Variants in ING5 observed in about 807,000 individuals in gnomAD.
ING5 encodes the protein inhibitor of growth family member 5.
In ING5, 17 loss-of-function variants were observed where a neutral mutation model predicts 37.4. That is an observed-to-expected ratio of 0.45 (90% confidence interval 0.31 to 0.68). ING5 has a LOEUF of 0.68. Ranked by LOEUF, ING5 falls within the 30% of genes least tolerant of loss-of-function variation. The pLI is 0.05. For missense variants in ING5, 233 were observed against 311.9 expected (o/e 0.75, Z 1.91); for synonymous variants, 123 against 116.6 (o/e 1.06, Z -0.36).
At chr2:241,702,321 C>G (rs1312751600) in intron 1 of ING5, among the ~76,000 whole-genome samples, 2 of 150,216 alleles carry the variant, frequency 1.3e-5, no homozygotes, top group Non-Finnish European at 3.0e-5. Context: ...TGGGTCGCGC[C>G]AATTCCAGGT....
At chr2:241,696,621 A>G (rs1469350673) in intron 2 of ING5, among the ~76,000 whole-genome samples, 1 of 152,008 alleles carries the variant, frequency 6.6e-6, no homozygotes, top group African/African-American at 2.4e-5. Flanking sequence ...CCAACTCTAC[A>G]GAAAAAAAAT....
intron 5 of ING5, chr2:241,720,829 G>T (rs1159511673): frequency 5.1e-6 from 5 of 985,646 alleles, no homozygotes; most frequent in African/African-American, 1.7e-5. Context: ...CCTCCTGGTT[G>T]CCTCCCTCAG....
intron 3 of ING5, 123 bp from the exon 4 acceptor site, chr2:241,711,254 T>G: frequency 1.8e-6 from 1 of 555,714 alleles, no homozygotes; most frequent in South Asian, 4.2e-5. Flanking sequence ...TTAGCAGAGG[T>G]TTGTTCATTG....
chr2:241,691,915 G>A (rs2069562637), intron 2 of ING5, among the ~76,000 whole-genome samples: 1 of 152,114 alleles, frequency 6.6e-6, no homozygotes, highest in Non-Finnish European at 1.5e-5. Flanking sequence ...ATAAATAGGT[G>A]GGCGTGCCTA....
intron 2 of ING5, among the ~76,000 whole-genome samples, chr2:241,695,910 C>T (rs2069622919): frequency 6.6e-6 from 1 of 152,064 alleles, no homozygotes; most frequent in African/African-American, 2.4e-5. Context: ...TAAAGCAGGG[C>T]CAGATGCTCA....
chr2:241,699,895 G>A (rs6437281), upstream of ING5, among the ~76,000 whole-genome samples: 50,388 of 152,128 alleles, frequency 0.33, 9,202 homozygotes, highest in Middle Eastern at 0.41. Flanking sequence ...GGAGTGACAT[G>A]GGTACTGGTG....
chr2:241,702,626 C>T (rs2069778937), intron 1 of ING5, among the ~76,000 whole-genome samples: 1 of 152,166 alleles, frequency 6.6e-6, no homozygotes, highest in South Asian at 2.1e-4. Flanking sequence ...CGGGGCGTCT[C>T]TCCCCGGCAC....
chr2:241,691,310 A>G (rs1175260917), intron 2 of ING5, among the ~76,000 whole-genome samples: 1 of 151,960 alleles, frequency 6.6e-6, no homozygotes, highest in Non-Finnish European at 1.5e-5. Flanking sequence ...GTGGTGGCAC[A>G]TGCCTGTAAT....
At chr2:241,717,037 A>G (rs200624394) in intron 5 of ING5, among the ~76,000 whole-genome samples, 2 of 152,016 alleles carry the variant, frequency 1.3e-5, no homozygotes, top group East Asian at 3.9e-4. Flanking sequence ...GTCACCCCAT[A>G]TATAGTTACC....
Position 241,714,787 on chromosome 2 carries a change from G to A in ING5, c.482+2716G>A, listed in dbSNP as rs563437293. On this transcript the variant is annotated intron_variant, in intron 5 of 7. Transcript: ENST00000313552. ...CCTGGCTAATTTTTTGTAGAGACAGGGTTTCATCATGTTGCCCAGGCTGGT... is the reference window on the plus strand; with the variant it reads ...CCTGGCTAATTTTTTGTAGAGACAGAGTTTCATCATGTTGCCCAGGCTGGT... Among the ~76,000 whole-genome samples the A allele has an allele frequency of 5.2e-3, 790 of 151,966 alleles. 3 individuals carry two copies. Among genetic ancestry groups the A allele is most frequent in the African/African-American group, 0.018 (744 of 41,462 alleles).
chr2:241,722,524 TC>T, intron 5 of ING5: 2 of 985,452 alleles, frequency 2.0e-6, no homozygotes, highest in Non-Finnish European at 2.4e-6. Flanking sequence ...CTGCTGCTGT[TC>T]CTGGATTTTT....
exon 2 of ING5, chr2:241,690,569 A>T: frequency 2.5e-6 from 1 of 398,530 alleles, no homozygotes; most frequent in Non-Finnish European, 4.4e-6. Context: ...ACTGCCACTG[A>T]CAGCCTCAGG....
chr2:241,711,261 A>G (rs2070104308), intron 3 of ING5, 116 bp from the exon 4 acceptor site: 1 of 618,992 alleles, frequency 1.6e-6, no homozygotes, highest in African/African-American at 1.9e-5. Context: ...AGGTTTGTTC[A>G]TTGGAGACTC....
At chr2:241,719,938 G>A in intron 5 of ING5, 1 of 1,291,076 alleles carries the variant, frequency 7.7e-7, no homozygotes, top group Non-Finnish European at 9.8e-7. Context: ...TCTGGATCTA[G>A]CTTGTGTGTG....
chr2:241,706,905 T>C (rs1203285042), intron 2 of ING5, among the ~76,000 whole-genome samples: 1 of 151,938 alleles, frequency 6.6e-6, no homozygotes, highest in Non-Finnish European at 1.5e-5. Context: ...TTGAGATGTT[T>C]CCTTTATCTC....
At chr2:241,724,469 TGGA>T (rs1467136141) in intron 7 of ING5, 1 of 162,644 alleles carries the variant, frequency 6.1e-6, no homozygotes, top group Admixed American at 6.0e-5. Flanking sequence ...GGGGAACCTA[TGGA>T]ATGTCCTCTG....
At position 241,723,038 on chromosome 2, in the gene ING5, C is replaced by T. The variant is rs754786051; in HGVS notation, c.582C>T (p.Val194=). ...NEPTYCLCHQ[V]SYGEMIGCDN... ...CCACGTACTGCCTGTGCCACCAGGTCTCCTATGGGGAGATGATTGGCTGTG... is the reference window on the plus strand; with the variant it reads ...CCACGTACTGCCTGTGCCACCAGGTTTCCTATGGGGAGATGATTGGCTGTG... Residue 194 remains valine, a synonymous_variant, in exon 6 of 8, where the codon GTC becomes GTT. Coordinates refer to ENST00000313552, the MANE Select transcript of ING5 (RefSeq NM_032329.6). The T allele has an allele frequency of 1.2e-6, 2 of 1,614,212 alleles. No homozygotes were observed. Among genetic ancestry groups the T allele is most frequent in the Admixed American group, 3.3e-5 (2 of 60,030 alleles).
upstream of ING5, among the ~76,000 whole-genome samples, chr2:241,699,687 T>G (rs942407468): frequency 1.4e-5 from 2 of 145,264 alleles, no homozygotes; most frequent in Admixed American, 7.0e-5. Flanking sequence ...TGGCTGGGGG[T>G]GGGGCGGGGG....
chr2:241,696,918 C>A (rs1487437419), intron 2 of ING5, among the ~76,000 whole-genome samples: 1 of 151,760 alleles, frequency 6.6e-6, no homozygotes, highest in Non-Finnish European at 1.5e-5. Context: ...CTTGTCTCTA[C>A]TAAAAATACA....
Sources: gnomAD v4.1 joint callset for allele counts (sites outside exome capture counted in the v4.1 genomes callset) on GRCh38, gnomAD v4.1.1 for gene constraint, MANE v1.5 for transcripts, NCBI Gene and HGNC (gene_info 2026-07-23, HGNC 2026-07-21) for gene names.